ADGRB3: variants seen among roughly 807,000 people sequenced by gnomAD.
ADGRB3 encodes adhesion G protein-coupled receptor B3.
A neutral mutation model predicts 193.4 loss-of-function variants in ADGRB3; 37 were observed. The observed-to-expected ratio is 0.19, with a 90% confidence interval of 0.15 to 0.25. ADGRB3 has a LOEUF of 0.25. Among genes scored for constraint, ADGRB3 ranks in the 10% least tolerant of loss-of-function variants. The probability of loss-of-function intolerance (pLI) is 1.00; values close to 1 mark genes in which losing one functional copy is unlikely to be tolerated. For synonymous variants in ADGRB3, 690 were observed against 644.2 expected, an observed-to-expected ratio of 1.07 and a Z score of -1.08; for missense variants, 1,637 against 1,852.9, an observed-to-expected ratio of 0.88 and a Z score of 2.14.
chr6:69,345,833 C>A (rs1423689848), intron 26 of ADGRB3, among the ~76,000 whole-genome samples: 4 of 152,178 alleles, frequency 2.6e-5, no homozygotes, highest in Admixed American at 6.5e-5. Flanking sequence ...TTGCAGATGA[C>A]ATGATTGCAT....
intron 29 of ADGRB3, among the ~76,000 whole-genome samples, chr6:69,370,259 T>C (rs975974133): frequency 1.3e-5 from 2 of 152,178 alleles, no homozygotes; most frequent in Admixed American, 1.3e-4. Context: ...GAAAGTGCTA[T>C]ATAAACAATA....
At chr6:69,058,310 GTTAT>G (rs1771608523) in intron 15 of ADGRB3, among the ~76,000 whole-genome samples, 1 of 151,294 alleles carries the variant, frequency 6.6e-6, no homozygotes, top group Non-Finnish European at 1.5e-5. Context: ...TCTGGTTTTT[GTTAT>G]TTGAGTCTTC....
intron 15 of ADGRB3, among the ~76,000 whole-genome samples, chr6:69,054,340 A>G (rs1224495253): frequency 1.3e-5 from 2 of 152,226 alleles, no homozygotes; most frequent in East Asian, 3.8e-4. Context: ...TGCTATAGAA[A>G]TTAAAAATGA....
At chr6:69,169,772 A>G (rs954701473) in intron 17 of ADGRB3, among the ~76,000 whole-genome samples, 3 of 152,136 alleles carry the variant, frequency 2.0e-5, no homozygotes, top group African/African-American at 7.2e-5. Context: ...GGAATATTCA[A>G]CCATTTCTAA....
chr6:68,663,162 TA>T (rs1236455351), intron 3 of ADGRB3, among the ~76,000 whole-genome samples: 1 of 151,362 alleles, frequency 6.6e-6, no homozygotes, highest in Admixed American at 6.6e-5. Context: ...GTTTCATAAA[TA>T]AATACAAAGA....
At chr6:68,836,349 C>G (rs1195141261) in intron 3 of ADGRB3, among the ~76,000 whole-genome samples, 1 of 142,622 alleles carries the variant, frequency 7.0e-6, no homozygotes, top group African/African-American at 2.5e-5. Flanking sequence ...CTTCCCTGCA[C>G]CATTTTTTCT....
chr6:68,960,445 A>G (rs1768200793), intron 8 of ADGRB3, among the ~76,000 whole-genome samples: 1 of 152,140 alleles, frequency 6.6e-6, no homozygotes, highest in South Asian at 2.1e-4. Flanking sequence ...TGTCTTGAAC[A>G]CTGTAATACA....
At chr6:68,647,601 C>T (rs1768247561) in intron 3 of ADGRB3, among the ~76,000 whole-genome samples, 2 of 152,028 alleles carry the variant, frequency 1.3e-5, no homozygotes, top group South Asian at 4.1e-4. Flanking sequence ...ATCTCAATAC[C>T]TTTGTGTTGA....
At chr6:68,770,374 A>G (rs1188149985) in intron 3 of ADGRB3, among the ~76,000 whole-genome samples, 5 of 152,248 alleles carry the variant, frequency 3.3e-5, no homozygotes, top group Admixed American at 1.3e-4. Flanking sequence ...TCTCATTAGC[A>G]TCTGAAACCT....
chr6:69,340,242 G>A (rs1458263364), intron 26 of ADGRB3, among the ~76,000 whole-genome samples: 2 of 152,152 alleles, frequency 1.3e-5, no homozygotes, highest in East Asian at 3.8e-4. Flanking sequence ...ATCCATCCAG[G>A]ACAGTGAGAG....
At chr6:69,269,767 T>C (rs1187646739) in intron 20 of ADGRB3, among the ~76,000 whole-genome samples, 2 of 152,176 alleles carry the variant, frequency 1.3e-5, no homozygotes, top group East Asian at 3.8e-4. Context: ...TTGCCTGTCA[T>C]ACTCTTGATA....
intron 17 of ADGRB3, among the ~76,000 whole-genome samples, chr6:69,158,004 A>T (rs759761418): frequency 6.6e-6 from 1 of 152,100 alleles, no homozygotes; most frequent in East Asian, 1.9e-4. Flanking sequence ...CAGTAGAATC[A>T]TCCTCTCTAA....
intron 20 of ADGRB3, among the ~76,000 whole-genome samples, chr6:69,273,181 G>A (rs1294631132): frequency 1.3e-5 from 2 of 152,178 alleles, no homozygotes; most frequent in East Asian, 1.9e-4. Flanking sequence ...GATTACAGGT[G>A]TGAGCCACTG....
chr6:69,348,337 G>A (rs1472649233), intron 26 of ADGRB3, among the ~76,000 whole-genome samples: 1 of 151,964 alleles, frequency 6.6e-6, no homozygotes, highest in Non-Finnish European at 1.5e-5. Flanking sequence ...TAGCAGCATG[G>A]TGCTTCTGTC....
intron 19 of ADGRB3, 135 bp downstream of exon 19, chr6:69,235,270 G>T: frequency 1.4e-6 from 1 of 711,480 alleles, no homozygotes; most frequent in African/African-American, 1.8e-5. Flanking sequence ...AGTTATAATT[G>T]GTGTGATTGA....
chr6:68,721,591 GT>G (rs576003969), intron 3 of ADGRB3, among the ~76,000 whole-genome samples: 3,286 of 147,932 alleles, frequency 0.022, 63 homozygotes, highest in South Asian at 0.074. Flanking sequence ...AAACCTGCAC[GT>G]TGTGCACATG....
intron 20 of ADGRB3, among the ~76,000 whole-genome samples, chr6:69,286,218 A>G (rs752842541): frequency 6.6e-6 from 1 of 152,036 alleles, no homozygotes; most frequent in Non-Finnish European, 1.5e-5. Flanking sequence ...TTTCAGAAGT[A>G]TATCCCTAAT....
At chr6:68,827,002 G>T (rs1413335226) in intron 3 of ADGRB3, among the ~76,000 whole-genome samples, 1 of 152,134 alleles carries the variant, frequency 6.6e-6, no homozygotes, top group African/African-American at 2.4e-5. Context: ...CAGGACTGGA[G>T]ATATAAATTT....
At chr6:69,226,709 A>G (rs1766023326) in intron 17 of ADGRB3, among the ~76,000 whole-genome samples, 2 of 152,258 alleles carry the variant, frequency 1.3e-5, no homozygotes, top group African/African-American at 4.8e-5. Flanking sequence ...GGTTGAGCTC[A>G]GCCAGTTAGT....
Sources: gnomAD v4.1 joint callset for allele counts (sites outside exome capture counted in the v4.1 genomes callset) on GRCh38, gnomAD v4.1.1 for gene constraint, MANE v1.5 for transcripts, NCBI Gene and HGNC (gene_info 2026-07-23, HGNC 2026-07-21) for gene names.